Variants in SGMS1 observed in about 807,000 individuals in gnomAD.
SGMS1 encodes the protein sphingomyelin synthase 1, also known as phosphatidylcholine:ceramide cholinephosphotransferase 1.
SGMS1 carries 13 observed loss-of-function variants against 46.2 expected under a neutral mutation model. The ratio of observed to expected loss-of-function variants is 0.28; its 90% CI spans 0.18 to 0.45. The LOEUF (loss-of-function observed/expected upper bound fraction) is 0.45, where lower values mean the gene tolerates loss of function less well. SGMS1 is among the 20% of genes least tolerant of loss of function. The pLI is 1.00. For missense variants in SGMS1, 324 were observed against 519.9 expected (o/e 0.62, Z 3.66); for synonymous variants, 203 against 187.8 (o/e 1.08, Z -0.66).
chr10:50,523,326 T>C (rs1180273428), intron 2 of SGMS1, among the ~76,000 whole-genome samples: 1 of 152,248 alleles, frequency 6.6e-6, no homozygotes, highest in Non-Finnish European at 1.5e-5. Context: ...TGCTCTTTAC[T>C]TAAAGATTTC....
intron 1 of SGMS1, among the ~76,000 whole-genome samples, chr10:50,623,282 G>A (rs1185680963): frequency 1.3e-5 from 2 of 152,120 alleles, no homozygotes; most frequent in African/African-American, 4.8e-5. Context: ...ATTGGAGTCG[G>A]CCCCTGGGTG....
At chr10:50,408,456 C>CA (rs1480701078) in intron 6 of SGMS1, among the ~76,000 whole-genome samples, 3 of 117,170 alleles carry the variant, frequency 2.6e-5, no homozygotes, top group Non-Finnish European at 1.8e-5. Context: ...AAAAAAAAAA[C>CA]AAAATAAAAA....
intron 1 of SGMS1, among the ~76,000 whole-genome samples, chr10:50,614,582 CTT>C (rs1838779837): frequency 6.6e-6 from 1 of 152,234 alleles, no homozygotes; most frequent in Admixed American, 6.5e-5. Context: ...GCCCCAAGCT[CTT>C]TGCCTCAGAA....
At chr10:50,521,729 A>G (rs938208180) in intron 2 of SGMS1, among the ~76,000 whole-genome samples, 2 of 152,110 alleles carry the variant, frequency 1.3e-5, no homozygotes, top group Admixed American at 1.3e-4. Context: ...ATTCCTGAGG[A>G]TTCAGTTCAG....
intron 8 of SGMS1, among the ~76,000 whole-genome samples, chr10:50,313,885 C>T (rs1303727262): frequency 2.0e-5 from 3 of 151,984 alleles, no homozygotes; most frequent in Admixed American, 6.5e-5. Flanking sequence ...CTTAGAGACC[C>T]TAAGCTTCCT....
chr10:50,526,687 A>C (rs1403319738), intron 2 of SGMS1, among the ~76,000 whole-genome samples: 1 of 152,202 alleles, frequency 6.6e-6, no homozygotes, highest in Non-Finnish European at 1.5e-5. Flanking sequence ...ACTTGGGTCA[A>C]CTTCTTCCTG....
At chr10:50,510,935 A>G (rs943730057) in intron 3 of SGMS1, among the ~76,000 whole-genome samples, 1 of 152,174 alleles carries the variant, frequency 6.6e-6, no homozygotes, top group Admixed American at 6.6e-5. Context: ...ATCAAAGCAC[A>G]TTATGTATTG....
At chr10:50,559,575 C>T (rs1434264276) in intron 2 of SGMS1, among the ~76,000 whole-genome samples, 1 of 152,172 alleles carries the variant, frequency 6.6e-6, no homozygotes, top group African/African-American at 2.4e-5. Flanking sequence ...AGTAACTTCT[C>T]CAGGGTCACG....
intron 7 of SGMS1, among the ~76,000 whole-genome samples, chr10:50,337,726 G>C (rs1847738539): frequency 6.6e-6 from 1 of 151,980 alleles, no homozygotes; most frequent in Admixed American, 6.6e-5. Context: ...TCTGACAAAA[G>C]CAACTGCCAA....
intron 3 of SGMS1, among the ~76,000 whole-genome samples, chr10:50,483,811 T>A (rs1179980588): frequency 6.6e-6 from 1 of 151,964 alleles, no homozygotes; most frequent in Non-Finnish European, 1.5e-5. Flanking sequence ...AATAATGAAA[T>A]CAAGGAAGAA....
At chr10:50,581,055 A>G (rs1838428893) in intron 2 of SGMS1, among the ~76,000 whole-genome samples, 1 of 152,222 alleles carries the variant, frequency 6.6e-6, no homozygotes, top group South Asian at 2.1e-4. Flanking sequence ...CTAACAAGTT[A>G]CCTGATACTG....
chr10:50,488,087 C>T (rs1837537737), intron 3 of SGMS1, among the ~76,000 whole-genome samples: 1 of 151,708 alleles, frequency 6.6e-6, no homozygotes, highest in South Asian at 2.1e-4. Context: ...GATCTTGGCT[C>T]ACTGCAACCT....
In SGMS1 at chr10:50,454,483, G is replaced by A. The variant is rs575227647; in HGVS notation, c.-313+6190C>T. Among the ~76,000 whole-genome samples, 3 of 152,078 alleles carry A rather than the reference G, an allele frequency of 2.0e-5. No individual in the cohort carries two copies. The South Asian group carries it at 6.2e-4, about 32-fold the overall frequency. On this transcript the variant is annotated intron_variant, in intron 5 of 10. Coordinates refer to ENST00000361781, the MANE Select transcript of SGMS1 (RefSeq NM_147156.4). ...AAAAGGACATTATATATATAAAGGG[G>A]AAAAAATGGGGGAAAAAAGAATCAG...
intron 8 of SGMS1, among the ~76,000 whole-genome samples, chr10:50,315,174 T>C (rs562640105): frequency 2.6e-5 from 4 of 152,310 alleles, no homozygotes; most frequent in Non-Finnish European, 5.9e-5. Context: ...GTATAGTAAG[T>C]CTAGATTGTA....
At chr10:50,624,807 C>G (rs1332526844), upstream of SGMS1, 1 of 986,444 alleles carries the variant, frequency 1.0e-6, no homozygotes, top group African/African-American at 1.7e-5. Context: ...CCCGCCGTCC[C>G]TGGCCGGCCC....
intron 9 of SGMS1, among the ~76,000 whole-genome samples, chr10:50,310,182 T>C (rs886712696): frequency 1.3e-5 from 2 of 152,086 alleles, no homozygotes. Flanking sequence ...CTACTCTGAA[T>C]TCCACCCACT....
chr10:50,402,950 T>A (rs1012610530), intron 6 of SGMS1, among the ~76,000 whole-genome samples: 1 of 152,110 alleles, frequency 6.6e-6, no homozygotes, highest in East Asian at 1.9e-4. Context: ...ATAATTTAGC[T>A]CCCACTTATA....
chr10:50,613,218 G>T (rs1436389962), intron 1 of SGMS1, among the ~76,000 whole-genome samples: 1 of 152,164 alleles, frequency 6.6e-6, no homozygotes, highest in African/African-American at 2.4e-5. Flanking sequence ...TCCCTTCTGT[G>T]CACTCTGCTG....
At chr10:50,610,384 C>T (rs992902502) in intron 1 of SGMS1, among the ~76,000 whole-genome samples, 1 of 152,200 alleles carries the variant, frequency 6.6e-6, no homozygotes, top group African/African-American at 2.4e-5. Context: ...TTTAGATGCA[C>T]TGTCCCCCAA....
Sources: allele counts gnomAD v4.1 joint callset (sites outside exome capture counted in the v4.1 genomes callset), GRCh38; gene constraint gnomAD v4.1.1; transcripts MANE v1.5; gene names NCBI Gene and HGNC (gene_info 2026-07-23, HGNC 2026-07-21).